FRMD4A: variants seen among roughly 807,000 people sequenced by gnomAD.
FRMD4A encodes the protein FERM domain-containing protein 4A.
A neutral mutation model predicts 129.1 loss-of-function variants in FRMD4A; 29 were observed. The observed-to-expected ratio is 0.22, with a 90% CI of 0.17 to 0.31. The LOEUF (loss-of-function observed/expected upper bound fraction) is 0.31. FRMD4A is among the 10% of genes least tolerant of loss of function. The probability of loss-of-function intolerance (pLI) is 1.00; values close to 1 mark genes in which losing one functional copy is unlikely to be tolerated. For synonymous variants in FRMD4A, 634 were observed against 571.6 expected, an observed-to-expected ratio of 1.11 and a Z score of -1.56; for missense variants, 1,272 against 1,375.8, an observed-to-expected ratio of 0.92 and a Z score of 1.19.
At chr10:13,674,787 G>T in intron 16 of FRMD4A, 124 bp downstream of exon 16, 1 of 1,081,056 alleles carries the variant, frequency 9.3e-7, no homozygotes. Context: ...CACTACCCTT[G>T]CCTTCTGTCA....
intron 13 of FRMD4A, among the ~76,000 whole-genome samples, chr10:13,703,592 G>A (rs531092148): frequency 6.6e-6 from 1 of 152,278 alleles, no homozygotes. Flanking sequence ...GCTTGGGGGA[G>A]GGGCTGAGCC....
intron 2 of FRMD4A, among the ~76,000 whole-genome samples, chr10:13,952,868 G>T (rs966923730): frequency 6.6e-6 from 1 of 151,316 alleles, no homozygotes; most frequent in African/African-American, 2.4e-5. Context: ...ATTTTTTTTC[G>T]TATTTTTAGT....
intron 4 of FRMD4A, among the ~76,000 whole-genome samples, chr10:13,809,691 G>T (rs1455856702): frequency 6.6e-6 from 1 of 152,146 alleles, no homozygotes; most frequent in East Asian, 1.9e-4. Context: ...CAGCTTTCTT[G>T]AGGAAGATGT....
At chr10:13,847,870 A>G (rs913402486) in intron 3 of FRMD4A, among the ~76,000 whole-genome samples, 1 of 152,248 alleles carries the variant, frequency 6.6e-6, no homozygotes, top group Non-Finnish European at 1.5e-5. Flanking sequence ...AATATTTACC[A>G]AACAAGCAAG....
chr10:14,154,233 AG>A (rs1442652614), intron 2 of FRMD4A, among the ~76,000 whole-genome samples: 1 of 152,110 alleles, frequency 6.6e-6, no homozygotes, highest in African/African-American at 2.4e-5. Flanking sequence ...AGACCAAGGA[AG>A]GGGGCAAATG....
At chr10:14,185,688 C>G (rs150655851) in intron 2 of FRMD4A, among the ~76,000 whole-genome samples, 5 of 152,158 alleles carry the variant, frequency 3.3e-5, no homozygotes, top group South Asian at 2.1e-4. Flanking sequence ...GAGAGGATAG[C>G]AGCAGCTCAA....
intron 3 of FRMD4A, among the ~76,000 whole-genome samples, chr10:13,857,386 T>C (rs2131033211): frequency 6.6e-6 from 1 of 152,290 alleles, no homozygotes; most frequent in East Asian, 1.9e-4. Flanking sequence ...GAATTATACA[T>C]GTACTATGAT....
chr10:13,929,882 A>T (rs952374618), intron 2 of FRMD4A, among the ~76,000 whole-genome samples: 2 of 152,204 alleles, frequency 1.3e-5, no homozygotes, highest in African/African-American at 4.8e-5. Flanking sequence ...CTCATCTATC[A>T]AATGGGCATA....
chr10:14,000,534 CCA>C (rs2095638135), intron 2 of FRMD4A, among the ~76,000 whole-genome samples: 1 of 149,420 alleles, frequency 6.7e-6, no homozygotes, highest in African/African-American at 2.5e-5. Context: ...TTATTGTCAG[CCA>C]CTCAGGAGGC....
chr10:13,678,437 G>C (rs1221184541), intron 15 of FRMD4A, among the ~76,000 whole-genome samples: 2 of 152,256 alleles, frequency 1.3e-5, no homozygotes, highest in African/African-American at 2.4e-5. Context: ...ACAGATCTGA[G>C]TTTGATAAAG....
chr10:13,733,660 C>A (rs994352860), intron 12 of FRMD4A, among the ~76,000 whole-genome samples: 3 of 152,220 alleles, frequency 2.0e-5, no homozygotes, highest in African/African-American at 4.8e-5. Context: ...TTCCTGACCT[C>A]AGGTGATCTG....
rs57602565 is a variant in FRMD4A, at chr10:13,789,769, ATGTG to A, written c.299+6723_299+6726del. ...TATTGACCGCTGCTGGCTGCTTATA[ATGTG>A]TGTGTGTGTGTGTGTGTGTGTGTGT... On this transcript the variant is annotated intron_variant, in intron 5 of 24. Transcript: ENST00000357447. Among the ~76,000 whole-genome samples the A allele has an allele frequency of 5.6e-3, 729 of 130,078 alleles. 15 individuals are homozygous for A. Among genetic ancestry groups the A allele is most frequent in the South Asian group, 5.0e-3 (18 of 3,586 alleles). 85.3% of individuals were successfully genotyped at this position (130,078 alleles called of 152,430 possible). A position where few individuals can be genotyped will look rare whatever the true frequency, so the allele number is the denominator to read the frequency against.
chr10:14,026,720 G>A (rs1833001633), intron 2 of FRMD4A, among the ~76,000 whole-genome samples: 1 of 152,176 alleles, frequency 6.6e-6, no homozygotes, highest in African/African-American at 2.4e-5. Context: ...CTCAACACAA[G>A]AGGACTTCTT....
At chr10:13,832,911 C>T (rs575547187) in intron 3 of FRMD4A, among the ~76,000 whole-genome samples, 84 of 152,314 alleles carry the variant, frequency 5.5e-4, no homozygotes, top group South Asian at 2.9e-3. Flanking sequence ...AAGTGGGAAT[C>T]GGTTGATTCT....
chr10:14,129,971 G>T (rs1050565463), intron 2 of FRMD4A, among the ~76,000 whole-genome samples: 2 of 152,144 alleles, frequency 1.3e-5, no homozygotes, highest in African/African-American at 4.8e-5. Context: ...CCTCTTGGTT[G>T]TCTTGCTATG....
chr10:13,929,320 T>C (rs1400855817), intron 2 of FRMD4A, among the ~76,000 whole-genome samples: 1 of 152,230 alleles, frequency 6.6e-6, no homozygotes, highest in South Asian at 2.1e-4. Flanking sequence ...GGCTGAGTCC[T>C]TGCTGAAGAC....
intron 2 of FRMD4A, among the ~76,000 whole-genome samples, chr10:14,101,394 T>C (rs1837292975): frequency 6.6e-6 from 1 of 152,102 alleles, no homozygotes; most frequent in Non-Finnish European, 1.5e-5. Flanking sequence ...GTCTTACGAG[T>C]AGATAAAATA....
chr10:14,210,775 T>C (rs1589171025), intron 2 of FRMD4A, among the ~76,000 whole-genome samples: 1 of 152,212 alleles, frequency 6.6e-6, no homozygotes, highest in East Asian at 1.9e-4. Flanking sequence ...TCACCCAGGC[T>C]GGAGTGCAGT....
intron 12 of FRMD4A, among the ~76,000 whole-genome samples, chr10:13,708,969 CT>C (rs912396276): frequency 6.6e-6 from 1 of 151,616 alleles, no homozygotes; most frequent in South Asian, 2.1e-4. Flanking sequence ...AGCTCCACTA[CT>C]TTTTTTTTCT....
Sources: gnomAD v4.1 joint callset for allele counts (sites outside exome capture counted in the v4.1 genomes callset) on GRCh38, gnomAD v4.1.1 for gene constraint, MANE v1.5 for transcripts, NCBI Gene and HGNC (gene_info 2026-07-23, HGNC 2026-07-21) for gene names.